LYST: variants seen among roughly 807,000 people sequenced by gnomAD.
The protein encoded by LYST is lysosomal trafficking regulator.
LYST carries 192 observed loss-of-function variants against 413.6 expected under a neutral mutation model. The ratio of observed to expected loss-of-function variants is 0.46; its 90% CI spans 0.41 to 0.52. LYST has a LOEUF of 0.52. Ranked by LOEUF, LYST falls within the 20% of genes least tolerant of loss-of-function variation. The pLI is 0.00. For missense variants in LYST, 3,815 were observed against 4,499.9 expected (o/e 0.85, Z 4.35); for synonymous variants, 1,525 against 1,567.3 (o/e 0.97, Z 0.64).
In LYST at chr1:235,828,780, AT is replaced by A. The variant is rs577933468; in HGVS notation, c.192+1445del. On this transcript the variant is annotated intron_variant, in intron 3 of 52. Transcript: ENST00000389793. ...CATATTAAATAATCAAAATTTCAAA[AT>A]AAATCACTATACATGGTCTAACATG... 584 of 831,414 alleles carry A rather than the reference AT, an allele frequency of 7.0e-4. 4 individuals carry two copies. The African/African-American group carries it at 0.01, about 15-fold the overall frequency. 51.5% of individuals were successfully genotyped at this position (831,414 alleles called of 1,614,324 possible). A position where few individuals can be genotyped will look rare whatever the true frequency, so the allele number is the denominator to read the frequency against.
chr1:235,700,417 C>T (rs1213991397), intron 45 of LYST, among the ~76,000 whole-genome samples: 2 of 152,076 alleles, frequency 1.3e-5, no homozygotes, highest in Non-Finnish European at 2.9e-5. Flanking sequence ...AAAAAGTGGG[C>T]AAAGGATATG....
chr1:235,812,921 T>A (rs1673613619), intron 4 of LYST, 50 bp downstream of exon 4: 2 of 1,150,044 alleles, frequency 1.7e-6, no homozygotes, highest in African/African-American at 3.0e-5. Context: ...AAGTAACTTT[T>A]CTATGAAATT....
intron 46 of LYST, among the ~76,000 whole-genome samples, chr1:235,695,229 T>A (rs1354036119): frequency 6.6e-6 from 1 of 152,224 alleles, no homozygotes; most frequent in African/African-American, 2.4e-5. Flanking sequence ...TACAGAAAAT[T>A]ACCCTGTGAG....
chr1:235,715,165 C>T, intron 42 of LYST, 36 bp downstream of exon 42: 2 of 1,557,012 alleles, frequency 1.3e-6, no homozygotes, highest in Non-Finnish European at 1.8e-6. Flanking sequence ...TTCTGATGAC[C>T]CAACATGACT....
Position 235,879,828 on chromosome 1 carries a change from C to A in LYST, n.454+3359G>T, listed in dbSNP as rs186752856. On this transcript the variant is annotated intron_variant and non_coding_transcript_variant, in intron 1 of 11. Coordinates refer to the LYST transcript ENST00000465349. ...TTTGGCTCACTGCAACCTCTGCCTC[C>A]CGGTTTCAAGTCATTCTCCTGCCTT... Among the ~76,000 whole-genome samples the A allele has an allele frequency of 9.6e-3, 1,468 of 152,232 alleles. 25 individuals are homozygous for A. Among genetic ancestry groups the A allele is most frequent in the African/African-American group, 0.033 (1,379 of 41,528 alleles).
upstream of LYST, among the ~76,000 whole-genome samples, chr1:235,871,579 TA>T (rs1419387308): frequency 6.6e-6 from 1 of 152,214 alleles, no homozygotes; most frequent in Non-Finnish European, 1.5e-5. Flanking sequence ...AAAATAACAA[TA>T]CTAATAGCAT....
intron 3 of LYST, among the ~76,000 whole-genome samples, chr1:235,820,692 C>T (rs552961979): frequency 3.9e-5 from 6 of 152,246 alleles, no homozygotes; most frequent in Admixed American, 2.6e-4. Context: ...TCTGATATTA[C>T]ATTAAATCTG....
chr1:235,860,736 T>C (rs1463842615), intron 1 of LYST, among the ~76,000 whole-genome samples: 1 of 152,164 alleles, frequency 6.6e-6, no homozygotes, highest in Admixed American at 6.6e-5. Flanking sequence ...CATAATTTGA[T>C]ATGTTCCAAC....
chr1:235,676,297 T>C (rs1227958180), intron 50 of LYST, among the ~76,000 whole-genome samples: 5 of 152,126 alleles, frequency 3.3e-5, no homozygotes, highest in African/African-American at 1.2e-4. Flanking sequence ...TTAAATAAAA[T>C]TTACGGGAGG....
At chr1:235,667,897 C>T (rs1178326523) in intron 50 of LYST, among the ~76,000 whole-genome samples, 1 of 152,016 alleles carries the variant, frequency 6.6e-6, no homozygotes, top group African/African-American at 2.4e-5. Context: ...CTCCTGATCT[C>T]GTGATCTACC....
At chr1:235,694,898 T>C (rs1258580399) in intron 46 of LYST, among the ~76,000 whole-genome samples, 1 of 152,148 alleles carries the variant, frequency 6.6e-6, no homozygotes, top group South Asian at 2.1e-4. Context: ...ATATCTTAAA[T>C]AGGATCTATT....
intron 50 of LYST, among the ~76,000 whole-genome samples, chr1:235,673,548 C>T (rs780767476): frequency 1.3e-5 from 2 of 152,056 alleles, no homozygotes; most frequent in Non-Finnish European, 2.9e-5. Flanking sequence ...TCCATTTCAC[C>T]GAAGGAGTCA....
Position 235,711,067 on chromosome 1 carries a change from T to A in LYST, c.9925+990A>T, listed in dbSNP as rs188664078. ...AGCTGTTTCTGAACTTCTGACCAAT[T>A]TCTTATTTCTGACCAATAAAAAATA... On this transcript the variant is annotated intron_variant, in intron 43 of 52. Coordinates refer to ENST00000389793, the MANE Select transcript of LYST (RefSeq NM_000081.4). 1.2e-3 allele frequency among the ~76,000 whole-genome samples: 176 copies of A among 152,356 alleles called. 1 individual carries two copies. The highest frequency in any genetic ancestry group is 3.8e-3 in the African/African-American group (159 of 41,592).
intron 46 of LYST, among the ~76,000 whole-genome samples, chr1:235,696,840 A>AT (rs1259544843): frequency 2.0e-5 from 3 of 152,158 alleles, no homozygotes; most frequent in African/African-American, 4.8e-5. Context: ...TAACATCTTC[A>AT]TTTTGTGAAC....
In LYST at chr1:235,777,072, G is replaced by A. The variant is rs1463430479; in HGVS notation, c.5451C>T (p.Leu1817=). Residue 1817 remains leucine, a synonymous_variant, in exon 17 of 53, where the codon CTC becomes CTT. Transcript: ENST00000389793. ...AAGCAGTGATTCTTACCCTGGCAAA[G>A]AGAAAAACAAATATGCCAGTTCCAC... ...EIGGTGIFVF[L]FARVVELSSC... 12 of 1,613,214 alleles carry A rather than the reference G, an allele frequency of 7.4e-6. No homozygotes were observed. The highest frequency in any genetic ancestry group is 1.7e-5 in the Admixed American group (1 of 59,986).
chr1:235,728,971 G>A (rs1347170745), intron 37 of LYST, among the ~76,000 whole-genome samples: 3 of 152,152 alleles, frequency 2.0e-5, no homozygotes, highest in Admixed American at 6.5e-5. Context: ...GGACTGAGGC[G>A]TGAGAATGTG....
At chr1:235,761,725 GA>G (rs1667600454) in intron 22 of LYST, among the ~76,000 whole-genome samples, 1 of 151,254 alleles carries the variant, frequency 6.6e-6, no homozygotes. Flanking sequence ...ACCTAGGCTG[GA>G]TAGGGAAAGC....
At position 235,686,588 on chromosome 1, in the gene LYST, C is replaced by T. The variant is rs10495367; in HGVS notation, c.10800+361G>A. ...GTCACTTAGTTTACCCAGAGGTTAT[C>T]GGAATGTTGGACATTAGGGTTTCTA... On this transcript the variant is annotated intron_variant, in intron 48 of 52. Transcript: ENST00000389793. This position sits in a 1 kb window ranked among gnomAD's most constrained non-coding sequence, Gnocchi z 4.0. 0.025 allele frequency among the ~76,000 whole-genome samples: 3,730 copies of T among 152,218 alleles called. 148 individuals carry two copies. Among genetic ancestry groups the T allele is most frequent in the African/African-American group, 0.085 (3,524 of 41,522 alleles).
chr1:235,876,245 C>A (rs890023746), intron 1 of LYST, among the ~76,000 whole-genome samples: 1 of 152,024 alleles, frequency 6.6e-6, no homozygotes, highest in Non-Finnish European at 1.5e-5. Flanking sequence ...AATACATTTT[C>A]TTTTTTATCT....
Sources: gnomAD v4.1 joint callset for allele counts (sites outside exome capture counted in the v4.1 genomes callset) on GRCh38, gnomAD v4.1.1 for gene constraint, Gnocchi (gnomAD v3.1) non-coding constraint, MANE v1.5 for transcripts, NCBI Gene and HGNC (gene_info 2026-07-23, HGNC 2026-07-21) for gene names.